STXBP5L: variants seen among roughly 807,000 people sequenced by gnomAD.
The protein encoded by STXBP5L is syntaxin binding protein 5L, also known as syntaxin-binding protein 5-like.
A neutral mutation model predicts 144.5 loss-of-function variants in STXBP5L; 65 were observed. That is an observed-to-expected ratio of 0.45 (90% CI 0.37 to 0.55). STXBP5L has a LOEUF of 0.55. STXBP5L is among the 20% of genes least tolerant of loss of function. STXBP5L has a pLI of 0.00. For synonymous variants in STXBP5L, 505 were observed against 469.6 expected (o/e 1.08, Z -0.97); for missense variants, 1,298 against 1,405.5 (o/e 0.92, Z 1.22).
intron 19 of STXBP5L, among the ~76,000 whole-genome samples, chr3:121,296,514 CAAT>C (rs1436468124): frequency 1.3e-5 from 2 of 152,082 alleles, no homozygotes; most frequent in African/African-American, 4.8e-5. Flanking sequence ...ATAGTAATGA[CAAT>C]AAAATTAAAA....
At chr3:121,278,898 A>T (rs578046294) in intron 18 of STXBP5L, among the ~76,000 whole-genome samples, 2 of 151,588 alleles carry the variant, frequency 1.3e-5, no homozygotes, top group South Asian at 4.2e-4. Context: ...AACATCTAGT[A>T]TGGGTAGAAG....
At chr3:121,378,908 T>A in intron 21 of STXBP5L, 22 bp downstream of exon 21, 1 of 1,597,598 alleles carries the variant, frequency 6.3e-7, no homozygotes, top group Non-Finnish European at 8.5e-7. Flanking sequence ...ATATTAAATT[T>A]TTTTGTTACA....
At chr3:121,137,057 T>A (rs527653125) in intron 7 of STXBP5L, among the ~76,000 whole-genome samples, 3 of 152,082 alleles carry the variant, frequency 2.0e-5, no homozygotes, top group Non-Finnish European at 2.9e-5. Context: ...AAGGGAACAG[T>A]AGACACTGGT....
intron 20 of STXBP5L, among the ~76,000 whole-genome samples, chr3:121,366,150 A>C (rs889990021): frequency 2.0e-5 from 3 of 151,944 alleles, no homozygotes; most frequent in Admixed American, 6.6e-5. Context: ...TATCTTTTTA[A>C]GTCTATCAAG....
In STXBP5L at chr3:121,413,293, A is replaced by G. The variant is rs1303706395; in HGVS notation, c.3084A>G (p.Thr1028=). The G allele has an allele frequency of 1.9e-6, 3 of 1,592,742 alleles. No individual in the cohort carries two copies. Among genetic ancestry groups the G allele is most frequent in the African/African-American group, 1.3e-5 (1 of 74,090 alleles). The part of the protein sequence containing the change: ...LVSPTEIQRL[T]YSQEMCDNLQ... Reference sequence around the variant, plus strand: ...CTCCTACTGAAATTCAGCGGTTAACATACAGCCAAGAAATGTGTGATAATC... The same window carrying G: ...CTCCTACTGAAATTCAGCGGTTAACGTACAGCCAAGAAATGTGTGATAATC... The change falls in exon 24 of 27, where the codon ACA becomes ACG. Residue 1028 remains threonine (T), a synonymous_variant. Transcript: ENST00000471454.
chr3:121,233,579 A>G (rs1048708490), intron 11 of STXBP5L, 37 bp from the exon 12 acceptor site: 6 of 1,528,794 alleles, frequency 3.9e-6, no homozygotes, highest in Non-Finnish European at 4.5e-6. Context: ...TAGTATATAC[A>G]ATATGAAAAC....
chr3:120,944,031 A>C (rs929559183), intron 2 of STXBP5L, among the ~76,000 whole-genome samples: 5 of 151,660 alleles, frequency 3.3e-5, no homozygotes, highest in Non-Finnish European at 7.4e-5. Flanking sequence ...AAAATTTAAA[A>C]AAATTAGCCC....
At chr3:121,093,780 G>T (rs985643520) in intron 5 of STXBP5L, among the ~76,000 whole-genome samples, 3 of 152,102 alleles carry the variant, frequency 2.0e-5, no homozygotes, top group Non-Finnish European at 4.4e-5. Flanking sequence ...CTTAAGTTCT[G>T]TTCTGATTTT....
intron 3 of STXBP5L, among the ~76,000 whole-genome samples, chr3:121,018,563 C>T (rs1168609661): frequency 1.4e-5 from 2 of 143,308 alleles, no homozygotes; most frequent in African/African-American, 2.5e-5. Context: ...ACAGTCCTTA[C>T]ATCTTTCACA....
chr3:121,314,611 G>C (rs1222188715), intron 19 of STXBP5L, among the ~76,000 whole-genome samples: 74 of 150,176 alleles, frequency 4.9e-4, no homozygotes, highest in Middle Eastern at 3.5e-3. Flanking sequence ...GAGAGGGAGA[G>C]GGAGAGGGAG....
intron 5 of STXBP5L, among the ~76,000 whole-genome samples, chr3:121,109,002 G>C (rs1038057772): frequency 6.6e-6 from 1 of 152,034 alleles, no homozygotes; most frequent in African/African-American, 2.4e-5. Flanking sequence ...TATTTGCATA[G>C]TATGCAAATA....
intron 3 of STXBP5L, among the ~76,000 whole-genome samples, chr3:121,021,716 A>G (rs1945566238): frequency 6.6e-6 from 1 of 152,204 alleles, no homozygotes; most frequent in Non-Finnish European, 1.5e-5. Context: ...CTTGAACTGA[A>G]CAATAGTAGT....
At chr3:121,190,041 T>C (rs1167175402) in intron 9 of STXBP5L, among the ~76,000 whole-genome samples, 1 of 152,028 alleles carries the variant, frequency 6.6e-6, no homozygotes, top group East Asian at 1.9e-4. Flanking sequence ...TAAGCTTTGG[T>C]TTTTTGTCCC....
intron 18 of STXBP5L, among the ~76,000 whole-genome samples, chr3:121,275,176 T>A (rs2050844048): frequency 6.6e-6 from 1 of 152,188 alleles, no homozygotes; most frequent in Admixed American, 6.5e-5. Flanking sequence ...GATTATATAG[T>A]CTGTATCCTC....
intron 3 of STXBP5L, among the ~76,000 whole-genome samples, chr3:120,955,829 AT>A (rs1937963371): frequency 6.6e-6 from 1 of 151,944 alleles, no homozygotes; most frequent in Non-Finnish European, 1.5e-5. Flanking sequence ...ACAACCACTA[AT>A]TTGTTTTTCA....
At chr3:121,364,272 T>A (rs547358320) in intron 20 of STXBP5L, among the ~76,000 whole-genome samples, 65 of 152,180 alleles carry the variant, frequency 4.3e-4, no homozygotes, top group African/African-American at 1.5e-3. Context: ...TATGTGAGAG[T>A]GTTTGTTTAT....
At chr3:121,415,761 T>C in intron 24 of STXBP5L, 96 bp from the exon 25 acceptor site, 1 of 688,332 alleles carries the variant, frequency 1.5e-6, no homozygotes. Flanking sequence ...CAGACTGTTT[T>C]TTCATGATGT....
chr3:121,363,590 G>A (rs1354224910), intron 20 of STXBP5L, among the ~76,000 whole-genome samples: 2 of 150,828 alleles, frequency 1.3e-5, no homozygotes, highest in Admixed American at 6.6e-5. Flanking sequence ...CCCTCCCTGA[G>A]CACCCAGATA....
At chr3:121,368,670 T>C (rs2045937091) in intron 20 of STXBP5L, among the ~76,000 whole-genome samples, 2 of 152,176 alleles carry the variant, frequency 1.3e-5, no homozygotes, top group Admixed American at 1.3e-4. Flanking sequence ...TTTATTAATT[T>C]GCTTTATAGT....
Sources: allele counts gnomAD v4.1 joint callset (sites outside exome capture counted in the v4.1 genomes callset), GRCh38; gene constraint gnomAD v4.1.1; transcripts MANE v1.5; gene names NCBI Gene and HGNC (gene_info 2026-07-23, HGNC 2026-07-21).